The following SGCD variants were observed in gnomAD, a reference collection of about 807,000 sequenced individuals.
SGCD encodes the protein sarcoglycan delta.
Under a neutral mutation model 36.6 loss-of-function variants are expected in SGCD, and 18 were observed. The ratio of observed to expected loss-of-function variants is 0.49; its 90% CI spans 0.34 to 0.73. SGCD has a LOEUF of 0.73. Among genes scored for constraint, SGCD ranks in the 30% least tolerant of loss-of-function variants. The probability of loss-of-function intolerance (pLI) is 0.01; values close to 1 mark genes in which losing one functional copy is unlikely to be tolerated. For missense variants in SGCD, 387 were observed against 346.7 expected, an observed-to-expected ratio of 1.12 and a Z score of -0.92; for synonymous variants, 133 against 130.6, an observed-to-expected ratio of 1.02 and a Z score of -0.12.
chr5:155,940,875 C>CA (rs201807136), intron 1 of SGCD, among the ~76,000 whole-genome samples: 9 of 89,772 alleles, frequency 1.0e-4, no homozygotes, highest in South Asian at 6.1e-4. Flanking sequence ...ACAACAACAA[C>CA]AAAAAAAACA....
At chr5:156,090,980 G>C (rs575685683) in intron 1 of SGCD, among the ~76,000 whole-genome samples, 1 of 152,234 alleles carries the variant, frequency 6.6e-6, no homozygotes, top group South Asian at 2.1e-4. Context: ...CTGTTATTCT[G>C]TTCTTTTTCA....
At chr5:156,458,217 A>T (rs1366668020) in intron 3 of SGCD, among the ~76,000 whole-genome samples, 1 of 152,220 alleles carries the variant, frequency 6.6e-6, no homozygotes, top group Non-Finnish European at 1.5e-5. Context: ...CTCCGTCCCC[A>T]TAAGGACAAC....
chr5:156,267,247 G>T (rs10515734), intron 3 of SGCD, among the ~76,000 whole-genome samples: 24,244 of 152,122 alleles, frequency 0.16, 2,133 homozygotes, highest in Admixed American at 0.21. Flanking sequence ...AAGTCTTCCT[G>T]TTGTTGAGAC....
At chr5:156,059,022 G>T (rs1371842212) in intron 1 of SGCD, among the ~76,000 whole-genome samples, 1 of 145,922 alleles carries the variant, frequency 6.9e-6, no homozygotes, top group African/African-American at 2.5e-5. Context: ...ACTGCAAATT[G>T]TAACAGCAGT....
intron 3 of SGCD, among the ~76,000 whole-genome samples, chr5:156,306,748 T>A (rs1243084722): frequency 6.6e-6 from 1 of 152,218 alleles, no homozygotes; most frequent in African/African-American, 2.4e-5. Flanking sequence ...GAAGATGCTC[T>A]CTTGTGTGGA....
At chr5:156,754,641 C>T (rs1757271538) in intron 7 of SGCD, among the ~76,000 whole-genome samples, 1 of 152,184 alleles carries the variant, frequency 6.6e-6, no homozygotes, top group South Asian at 2.1e-4. Flanking sequence ...AAATTGAATT[C>T]AAATCTTGGC....
At chr5:156,462,270 C>A (rs1038518996) in intron 3 of SGCD, among the ~76,000 whole-genome samples, 2 of 152,122 alleles carry the variant, frequency 1.3e-5, no homozygotes, top group South Asian at 4.1e-4. Context: ...CTTGAAGGAA[C>A]AATGATTTAA....
rs1173166170 is a variant in SGCD, at chr5:156,057,113, A to G, written c.-281-60765A>G. On this transcript the variant is annotated intron_variant, in intron 1 of 9. Coordinates refer to the SGCD transcript ENST00000517913. The stretch of plus-strand genomic sequence containing the variant: ...GACTATCTCTTAGCTGTCAAAAATG[A>G]AACTGTAGAAGAGTAGTTAATGACA... Among the ~76,000 whole-genome samples, 5 of 146,860 alleles carry G rather than the reference A, an allele frequency of 3.4e-5. No individual in the cohort carries two copies. The East Asian group carries it at 5.8e-4, about 17-fold the overall frequency.
intron 3 of SGCD, among the ~76,000 whole-genome samples, chr5:156,487,094 A>G (rs542972246): frequency 3.9e-5 from 6 of 152,196 alleles, no homozygotes; most frequent in Admixed American, 3.9e-4. Flanking sequence ...GCTGCCAGGA[A>G]CCCGAAGATG....
chr5:155,903,230 T>C (rs1183467789), intron 1 of SGCD, among the ~76,000 whole-genome samples: 4 of 152,212 alleles, frequency 2.6e-5, no homozygotes, highest in Non-Finnish European at 4.4e-5. Context: ...GTTTTCTTTT[T>C]CTCTCTCTAA....
At chr5:156,725,405 T>G (rs1755724524) in intron 7 of SGCD, among the ~76,000 whole-genome samples, 1 of 152,328 alleles carries the variant, frequency 6.6e-6, no homozygotes, top group South Asian at 2.1e-4. Context: ...AAAGCTGTGT[T>G]AGCCCTGGAT....
intron 1 of SGCD, among the ~76,000 whole-genome samples, chr5:155,956,760 C>G (rs1257698359): frequency 2.0e-5 from 3 of 150,792 alleles, no homozygotes; most frequent in Non-Finnish European, 2.9e-5. Flanking sequence ...TGTGTGTCTT[C>G]TCTTCTTTTT....
intron 1 of SGCD, among the ~76,000 whole-genome samples, chr5:155,919,603 C>T (rs955920352): frequency 9.9e-5 from 15 of 152,104 alleles, no homozygotes; most frequent in African/African-American, 3.4e-4. Context: ...ACCTTGTTCC[C>T]CAGAACTTTG....
At chr5:156,251,522 CT>C (rs34601103) in intron 3 of SGCD, among the ~76,000 whole-genome samples, 8,476 of 148,438 alleles carry the variant, frequency 0.057, 274 homozygotes, top group Non-Finnish European at 0.072. Flanking sequence ...ATTTATACTA[CT>C]TTTTTTTTTT....
chr5:155,800,107 C>A, the SGCD span, among the ~76,000 whole-genome samples: 3 of 152,096 alleles, frequency 2.0e-5, no homozygotes, highest in African/African-American at 7.2e-5. Flanking sequence ...GCATGATCTA[C>A]CACGCCCAGC....
chr5:156,293,040 C>T (rs1197016212), intron 3 of SGCD, among the ~76,000 whole-genome samples: 3 of 151,756 alleles, frequency 2.0e-5, no homozygotes, highest in Admixed American at 6.6e-5. Context: ...ATATTTCCTC[C>T]CATTCTGAGG....
chr5:156,574,179 C>T (rs1759832996), intron 4 of SGCD, among the ~76,000 whole-genome samples: 1 of 152,172 alleles, frequency 6.6e-6, no homozygotes, highest in African/African-American at 2.4e-5. Flanking sequence ...ACCTGCTTAG[C>T]TGGTGGATGG....
intron 1 of SGCD, among the ~76,000 whole-genome samples, chr5:155,988,513 C>G (rs541301905): frequency 6.6e-6 from 1 of 152,266 alleles, no homozygotes; most frequent in African/African-American, 2.4e-5. Flanking sequence ...GAGTGACAGA[C>G]AGATAGACAA....
upstream of SGCD, among the ~76,000 whole-genome samples, chr5:155,867,504 A>G (rs1755546704): frequency 6.6e-6 from 1 of 152,174 alleles, no homozygotes; most frequent in Admixed American, 6.5e-5. Flanking sequence ...TGTTCTAAAA[A>G]CAATTCACAT....
Sources: allele counts gnomAD v4.1 joint callset (sites outside exome capture counted in the v4.1 genomes callset), GRCh38; gene constraint gnomAD v4.1.1; transcripts MANE v1.5; gene names NCBI Gene and HGNC (gene_info 2026-07-23, HGNC 2026-07-21).